MICU1: variants seen among roughly 807,000 people sequenced by gnomAD.
MICU1 encodes the protein mitochondrial calcium uptake 1.
MICU1 carries 45 observed loss-of-function variants against 56.8 expected under a neutral mutation model. The ratio of observed to expected loss-of-function variants is 0.79; its 90% CI spans 0.62 to 1.02. The LOEUF (loss-of-function observed/expected upper bound fraction) is 1.02. Ranked by LOEUF, MICU1 falls within the 50% of genes least tolerant of loss-of-function variation. The probability of loss-of-function intolerance (pLI) is 0.00; values close to 1 mark genes in which losing one functional copy is unlikely to be tolerated. For synonymous variants in MICU1, 186 were observed against 195.1 expected, an observed-to-expected ratio of 0.95 and a Z score of 0.39; for missense variants, 504 against 587.1, an observed-to-expected ratio of 0.86 and a Z score of 1.46.
At chr10:72,403,267 AGAACTGCTT>A (rs1418832484) in intron 10 of MICU1, among the ~76,000 whole-genome samples, 2 of 152,052 alleles carry the variant, frequency 1.3e-5, no homozygotes, top group African/African-American at 4.8e-5. Flanking sequence ...GCTGAGGCAG[AGAACTGCTT>A]GAATCTGGGA....
intron 6 of MICU1, among the ~76,000 whole-genome samples, chr10:72,488,140 C>G (rs1866534739): frequency 6.7e-6 from 1 of 149,216 alleles, no homozygotes; most frequent in Non-Finnish European, 1.5e-5. Flanking sequence ...TTGCGGTGAG[C>G]TGAGATTGCA....
chr10:72,569,222 TATATATATATATATA>T (rs1840530863), intron 1 of MICU1, among the ~76,000 whole-genome samples: 3 of 43,376 alleles, frequency 6.9e-5, no homozygotes, highest in African/African-American at 1.0e-4. Context: ...TATATATATA[TATATATATATATATA>T]TTTTTTTTTT....
At chr10:72,540,520 A>T (rs1472270485) in intron 4 of MICU1, among the ~76,000 whole-genome samples, 2 of 152,102 alleles carry the variant, frequency 1.3e-5, no homozygotes, top group Non-Finnish European at 2.9e-5. Context: ...ACAAAAAAAA[A>T]ATTTAATTAG....
At chr10:72,541,525 T>C (rs1034786714) in intron 4 of MICU1, among the ~76,000 whole-genome samples, 1 of 152,116 alleles carries the variant, frequency 6.6e-6, no homozygotes, top group Admixed American at 6.5e-5. Context: ...ACCTGTCCTG[T>C]GGCCCAAACA....
intron 8 of MICU1, among the ~76,000 whole-genome samples, chr10:72,427,125 T>G (rs2132146666): frequency 6.6e-6 from 1 of 152,314 alleles, no homozygotes; most frequent in Admixed American, 6.5e-5. Context: ...TTTCCGTGTC[T>G]AGGAAGAGAG....
chr10:72,517,675 G>A (rs1171369931), intron 5 of MICU1, among the ~76,000 whole-genome samples: 1 of 151,920 alleles, frequency 6.6e-6, no homozygotes, highest in African/African-American at 2.4e-5. Flanking sequence ...TGGGTTCAGT[G>A]TACACTGCTC....
chr10:72,427,016 T>C (rs1160932657), intron 8 of MICU1, among the ~76,000 whole-genome samples: 1 of 152,264 alleles, frequency 6.6e-6, no homozygotes, highest in Non-Finnish European at 1.5e-5. Context: ...TTGGAACCTC[T>C]GATGTTCTAC....
chr10:72,516,205 T>C (rs750083164), intron 5 of MICU1, among the ~76,000 whole-genome samples: 27 of 152,236 alleles, frequency 1.8e-4, no homozygotes, highest in Non-Finnish European at 3.2e-4. Context: ...ACGAGCTTTT[T>C]TCATATGTTT....
chr10:72,400,934 A>C (rs1285344077), intron 10 of MICU1, among the ~76,000 whole-genome samples: 1 of 151,638 alleles, frequency 6.6e-6, no homozygotes, highest in Non-Finnish European at 1.5e-5. Flanking sequence ...TTGTTTTTCA[A>C]AAGATTCTGC....
chr10:72,409,345 G>A (rs1010815235), intron 9 of MICU1, among the ~76,000 whole-genome samples: 4 of 152,088 alleles, frequency 2.6e-5, no homozygotes, highest in Admixed American at 6.6e-5. Context: ...TTCTTTCCTG[G>A]TACTCTCCAA....
chr10:72,511,968 T>TA lies in MICU1; in HGVS notation c.538-3700dup, dbSNP rs543166862. Among the ~76,000 whole-genome samples, 40 of 152,218 alleles carry TA rather than the reference T, an allele frequency of 2.6e-4. No homozygotes were observed. In the East Asian group the frequency reaches 7.1e-3, roughly 27 times the overall value. Reference sequence around the variant, plus strand: ...GATTCACACACTAGTCTCCTCACCCTAACACCCAAAATAATGCTTTACCAG... The same window carrying TA: ...GATTCACACACTAGTCTCCTCACCCTAAACACCCAAAATAATGCTTTACCAG... On this transcript the variant is annotated intron_variant, in intron 5 of 11. Coordinates refer to ENST00000361114, the MANE Select transcript of MICU1 (RefSeq NM_001195518.2).
At chr10:72,419,611 T>C (rs1045681647) in intron 9 of MICU1, among the ~76,000 whole-genome samples, 17 of 152,230 alleles carry the variant, frequency 1.1e-4, no homozygotes, top group Non-Finnish European at 8.8e-5. Flanking sequence ...CAACATTTCT[T>C]GCACAAAGAC....
intron 8 of MICU1, among the ~76,000 whole-genome samples, chr10:72,429,210 A>G (rs913962185): frequency 2.6e-5 from 4 of 152,142 alleles, no homozygotes; most frequent in Non-Finnish European, 5.9e-5. Flanking sequence ...ACTTGAGGTC[A>G]GGAGTTTGAG....
chr10:72,487,478 G>A (rs948196215), intron 6 of MICU1, among the ~76,000 whole-genome samples: 1 of 152,042 alleles, frequency 6.6e-6, no homozygotes, highest in South Asian at 2.1e-4. Context: ...GTGTCCTGAC[G>A]ACAAAGCACA....
chr10:72,618,122 A>G (rs57240777), intron 1 of MICU1, among the ~76,000 whole-genome samples: 3,219 of 151,142 alleles, frequency 0.021, 118 homozygotes, highest in African/African-American at 0.075. Context: ...AGCCGAGATC[A>G]TGCCACTGCA....
At chr10:72,438,631 A>G (rs1357310837) in intron 8 of MICU1, among the ~76,000 whole-genome samples, 1 of 152,168 alleles carries the variant, frequency 6.6e-6, no homozygotes, top group Non-Finnish European at 1.5e-5. Context: ...TGAAAAGATC[A>G]ACAAAATTGA....
chr10:72,451,199 A>G (rs1865289035), intron 8 of MICU1, among the ~76,000 whole-genome samples: 1 of 149,718 alleles, frequency 6.7e-6, no homozygotes, highest in Non-Finnish European at 1.5e-5. Flanking sequence ...TAATTTTTGT[A>G]TTTTTAGTAG....
intron 8 of MICU1, among the ~76,000 whole-genome samples, chr10:72,426,376 A>G (rs940166453): frequency 6.6e-6 from 1 of 151,338 alleles, no homozygotes; most frequent in Non-Finnish European, 1.5e-5. Context: ...GCAAAAAGGA[A>G]ATGCTTATTG....
At chr10:72,617,730 G>A (rs1842015496) in intron 1 of MICU1, among the ~76,000 whole-genome samples, 1 of 152,192 alleles carries the variant, frequency 6.6e-6, no homozygotes, top group South Asian at 2.1e-4. Flanking sequence ...TGCTCAGGAG[G>A]TTGAGATGGA....
Sources: allele counts gnomAD v4.1 joint callset (sites outside exome capture counted in the v4.1 genomes callset), GRCh38; gene constraint gnomAD v4.1.1; transcripts MANE v1.5; gene names NCBI Gene and HGNC (gene_info 2026-07-23, HGNC 2026-07-21).